INPP4B: variants seen among roughly 807,000 people sequenced by gnomAD.
INPP4B encodes inositol polyphosphate 4-phosphatase type II.
INPP4B carries 55 observed loss-of-function variants against 122.5 expected under a neutral mutation model. The observed-to-expected ratio is 0.45, with a 90% confidence interval of 0.36 to 0.56. The LOEUF (loss-of-function observed/expected upper bound fraction) is 0.56. INPP4B is among the 20% of genes least tolerant of loss of function. INPP4B has a pLI of 0.00. For missense variants in INPP4B, 1,000 were observed against 1,097.7 expected, an observed-to-expected ratio of 0.91 and a Z score of 1.26; for synonymous variants, 403 against 388.7, an observed-to-expected ratio of 1.04 and a Z score of -0.43.
intron 2 of INPP4B, among the ~76,000 whole-genome samples, chr4:142,505,541 G>T (rs1240450755): frequency 6.7e-6 from 1 of 148,968 alleles, no homozygotes; most frequent in African/African-American, 2.5e-5. Flanking sequence ...CACGAAGTAA[G>T]ATTGTGAAAA....
chr4:142,174,250 G>A (rs1431631381), intron 15 of INPP4B, among the ~76,000 whole-genome samples: 1 of 152,166 alleles, frequency 6.6e-6, no homozygotes, highest in African/African-American at 2.4e-5. Context: ...GGTGACTTTG[G>A]GCAGCCTTCT....
intron 14 of INPP4B, among the ~76,000 whole-genome samples, chr4:142,195,033 A>G (rs1448561309): frequency 6.6e-6 from 1 of 152,268 alleles, no homozygotes; most frequent in Non-Finnish European, 1.5e-5. Flanking sequence ...ACAATGCAAC[A>G]AAATATGCGG....
At chr4:142,268,912 T>C (rs1561689698) in intron 10 of INPP4B, among the ~76,000 whole-genome samples, 1 of 152,150 alleles carries the variant, frequency 6.6e-6, no homozygotes, top group Non-Finnish European at 1.5e-5. Context: ...GCTGCAATGA[T>C]AGAAGCCCAC....
intron 15 of INPP4B, 94 bp downstream of exon 15, chr4:142,192,993 A>C (rs559046326): frequency 2.8e-6 from 2 of 720,322 alleles, no homozygotes; most frequent in South Asian, 3.5e-5. Flanking sequence ...GTCAAGAACT[A>C]TACATTGTGA....
At position 142,024,201 on chromosome 4, in the gene INPP4B, G is replaced by A. The variant is rs1578651024; in HGVS notation, c.*4581C>T. On this transcript the variant is annotated 3_prime_UTR_variant, in exon 26 of 26. Transcript: ENST00000262992. ...CTTAAAGATAGTTTTTGCTATAGGT[G>A]GCATCTCTGTGAACGCAGAGCTCTA... 1 of 152,018 alleles carries A rather than the reference G, an allele frequency of 6.6e-6. No homozygotes were observed. The highest frequency in any genetic ancestry group is 2.4e-5 in the African/African-American group (1 of 41,404). 9.4% of individuals were successfully genotyped at this position (152,018 alleles called of 1,614,324 possible).
chr4:142,472,420 G>A (rs921326553), intron 2 of INPP4B, among the ~76,000 whole-genome samples: 2 of 151,724 alleles, frequency 1.3e-5, no homozygotes, highest in Admixed American at 6.6e-5. Flanking sequence ...CAGTGATACC[G>A]AACCCAGTAA....
chr4:142,209,433 A>C (rs1843920342), intron 12 of INPP4B, among the ~76,000 whole-genome samples: 2 of 152,184 alleles, frequency 1.3e-5, no homozygotes, highest in South Asian at 4.1e-4. Context: ...ACCATGTTGG[A>C]AGCAAACATG....
Position 142,843,879 on chromosome 4 carries a change from T to G in INPP4B, c.-254+2330A>C, listed in dbSNP as rs571816240. Among the ~76,000 whole-genome samples the G allele has an allele frequency of 3.3e-5, 5 of 152,254 alleles. No homozygotes were observed. In the East Asian group the frequency reaches 9.6e-4, roughly 29 times the overall value. ...CCCATCTGGGGATTTATAGTACTTA[T>G]ACTAGAAGATGCTCCAAGGTTTCAG... is the stretch of plus-strand genomic sequence containing the variant. On this transcript the variant is annotated intron_variant, in intron 1 of 25. Coordinates refer to ENST00000262992, the MANE Select transcript of INPP4B (RefSeq NM_001101669.3).
intron 20 of INPP4B, among the ~76,000 whole-genome samples, chr4:142,122,518 G>A (rs1796980546): frequency 6.6e-6 from 1 of 152,082 alleles, no homozygotes; most frequent in Admixed American, 6.6e-5. Context: ...TAACCCCTTT[G>A]TGATTTGTGC....
At chr4:142,559,477 T>C (rs866478553) in intron 2 of INPP4B, among the ~76,000 whole-genome samples, 9 of 152,160 alleles carry the variant, frequency 5.9e-5, no homozygotes, top group African/African-American at 2.2e-4. Context: ...AATGGGGCAC[T>C]TACCTCTCAT....
At chr4:142,511,924 CT>C (rs1397616664) in intron 2 of INPP4B, among the ~76,000 whole-genome samples, 2 of 152,042 alleles carry the variant, frequency 1.3e-5, no homozygotes, top group Non-Finnish European at 2.9e-5. Context: ...AATTTTTGTA[CT>C]TTTCTTGCAA....
intron 1 of INPP4B, among the ~76,000 whole-genome samples, chr4:142,839,455 G>T (rs1783216571): frequency 6.6e-6 from 1 of 151,854 alleles, no homozygotes; most frequent in Non-Finnish European, 1.5e-5. Context: ...CAAAAAAAAT[G>T]ACATAGGACA....
At chr4:142,409,362 G>T (rs1804123537) in intron 5 of INPP4B, among the ~76,000 whole-genome samples, 1 of 152,056 alleles carries the variant, frequency 6.6e-6, no homozygotes, top group African/African-American at 2.4e-5. Context: ...CCATGGTGGT[G>T]GGTGCCTTTA....
At chr4:142,220,552 A>G (rs1180190495) in intron 12 of INPP4B, among the ~76,000 whole-genome samples, 1 of 152,234 alleles carries the variant, frequency 6.6e-6, no homozygotes, top group Non-Finnish European at 1.5e-5. Context: ...TTTAGAAATG[A>G]GAAGTTAACC....
At chr4:142,614,283 T>A (rs550312748) in intron 2 of INPP4B, among the ~76,000 whole-genome samples, 5 of 152,156 alleles carry the variant, frequency 3.3e-5, no homozygotes, top group Middle Eastern at 3.4e-3. Flanking sequence ...TTGTCAAAAA[T>A]ATACTCTAGG....
At chr4:142,354,720 T>C (rs1383344341) in intron 7 of INPP4B, among the ~76,000 whole-genome samples, 2 of 152,006 alleles carry the variant, frequency 1.3e-5, no homozygotes, top group Non-Finnish European at 2.9e-5. Flanking sequence ...ATTTTGAGCT[T>C]ATTTTAGATG....
chr4:142,043,265 A>G (rs1472786009), intron 25 of INPP4B, among the ~76,000 whole-genome samples: 2 of 152,250 alleles, frequency 1.3e-5, no homozygotes, highest in African/African-American at 4.8e-5. Flanking sequence ...AGAGAATAAG[A>G]TACATTTAAG....
At chr4:142,812,329 G>A (rs1164513710) in intron 1 of INPP4B, among the ~76,000 whole-genome samples, 1 of 152,138 alleles carries the variant, frequency 6.6e-6, no homozygotes, top group Non-Finnish European at 1.5e-5. Context: ...TCCTCTCATA[G>A]CTGTGGTTCT....
chr4:142,787,435 G>A (rs1259865845), intron 1 of INPP4B, among the ~76,000 whole-genome samples: 1 of 152,058 alleles, frequency 6.6e-6, no homozygotes. Context: ...GCCCTCTCCA[G>A]ATGCTGGCAC....
Sources: gnomAD v4.1 joint callset for allele counts (sites outside exome capture counted in the v4.1 genomes callset) on GRCh38, gnomAD v4.1.1 for gene constraint, MANE v1.5 for transcripts, NCBI Gene and HGNC (gene_info 2026-07-23, HGNC 2026-07-21) for gene names.